The following IDO2 variants were observed in gnomAD, a reference collection of about 807,000 sequenced individuals.
IDO2 encodes the protein indoleamine 2,3-dioxygenase 2, also known as indoleamine 2,3-dioxygenase-like 1 protein.
A neutral mutation model predicts 45.1 loss-of-function variants in IDO2; 46 were observed. The ratio of observed to expected loss-of-function variants is 1.02; its 90% confidence interval spans 0.80 to 1.30. The LOEUF is 1.30. Among genes scored for constraint, IDO2 ranks in the 50% most tolerant of loss-of-function variants. IDO2 has a pLI of 0.00. For synonymous variants in IDO2, 218 were observed against 184.9 expected (o/e 1.18, Z -1.45); for missense variants, 544 against 491.8 (o/e 1.11, Z -1.00).
At chr8:40,015,185 C>T (rs1802368729) in intron 10 of IDO2, 62 bp from the exon 11 acceptor site, 5 of 982,278 alleles carry the variant, frequency 5.1e-6, no homozygotes, top group Non-Finnish European at 7.7e-6. Flanking sequence ...GAAGAAGAAG[C>T]AGACGAGCTC....
At chr8:39,951,359 C>T (rs773373024) in intron 2 of IDO2, among the ~76,000 whole-genome samples, 39 of 148,152 alleles carry the variant, frequency 2.6e-4, no homozygotes, top group Non-Finnish European at 4.4e-4. Flanking sequence ...GGGAATGGAC[C>T]GGACTGTTTC....
In IDO2 at chr8:39,992,124, G is replaced by A. The variant is rs139382086; in HGVS notation, c.667+2286G>A. Among the ~76,000 whole-genome samples the A allele has an allele frequency of 1.1e-3, 173 of 152,358 alleles. 1 individual carries two copies. The highest frequency in any genetic ancestry group is 3.7e-3 in the African/African-American group (154 of 41,582). ...CATCCTGCGCGCTCCTCCACAGCGTGGCCTGGGCATTCCTTTCGACCAGGG... is the reference window on the plus strand; with the variant it reads ...CATCCTGCGCGCTCCTCCACAGCGTAGCCTGGGCATTCCTTTCGACCAGGG... On this transcript the variant is annotated intron_variant, in intron 8 of 10. Transcript: ENST00000502986.
chr8:40,001,245 A>ATT (rs1187145007), intron 8 of IDO2, among the ~76,000 whole-genome samples: 18,949 of 93,980 alleles, frequency 0.2, 2,251 homozygotes, highest in South Asian at 0.38. Context: ...GGCTTTCCTC[A>ATT]TTTTTTTTTT....
rs376935309 is a variant in IDO2, at chr8:39,946,304, C to A, written c.-17-2845C>A. Among the ~76,000 whole-genome samples, 35 of 152,330 alleles carry A rather than the reference C, an allele frequency of 2.3e-4. 1 individual carries two copies. The highest frequency in any genetic ancestry group is 8.4e-4 in the African/African-American group (35 of 41,578). On this transcript the variant is annotated intron_variant, in intron 1 of 10. Transcript: ENST00000502986. Reference sequence around the variant, plus strand: ...GGCTCGCTGGCCTCCCTCAGGCCACCAAGTTGTCCTTAAAAACTCTGCTCC... The same window carrying A: ...GGCTCGCTGGCCTCCCTCAGGCCACAAAGTTGTCCTTAAAAACTCTGCTCC...
intron 1 of IDO2, among the ~76,000 whole-genome samples, chr8:39,938,491 G>C (rs1303101024): frequency 6.6e-6 from 1 of 151,818 alleles, no homozygotes; most frequent in African/African-American, 2.4e-5. Flanking sequence ...AAAACTATTA[G>C]AGATAACATA....
At chr8:39,981,053 G>A (rs1258631934) in intron 4 of IDO2, among the ~76,000 whole-genome samples, 1 of 137,008 alleles carries the variant, frequency 7.3e-6, no homozygotes, top group Non-Finnish European at 1.5e-5. Flanking sequence ...CACCCGGCCA[G>A]TGCATTGCAT....
At chr8:39,949,728 G>C (rs796643782) in intron 2 of IDO2, among the ~76,000 whole-genome samples, 31 of 152,228 alleles carry the variant, frequency 2.0e-4, no homozygotes, top group African/African-American at 7.2e-4. Context: ...ATCCCCCCAG[G>C]AGCGCTTACT....
intron 1 of IDO2, among the ~76,000 whole-genome samples, chr8:39,945,915 C>T (rs1036523104): frequency 8.5e-5 from 13 of 152,274 alleles, no homozygotes; most frequent in African/African-American, 1.4e-4. Flanking sequence ...GAACTAACTC[C>T]GGGAGAAGCT....
At chr8:39,981,928 G>A (rs1229184424) in intron 4 of IDO2, among the ~76,000 whole-genome samples, 1 of 152,124 alleles carries the variant, frequency 6.6e-6, no homozygotes, top group African/African-American at 2.4e-5. Context: ...AAAAAAGGTT[G>A]AAGGGGGTCT....
At chr8:39,939,684 G>C (rs73619541) in intron 1 of IDO2, among the ~76,000 whole-genome samples, 6 of 127,054 alleles carry the variant, frequency 4.7e-5, no homozygotes, top group Non-Finnish European at 1.0e-4. Context: ...AAAATGTCAC[G>C]AAAATAAAAG....
chr8:39,979,303 G>A (rs374403574), intron 4 of IDO2, 117 bp downstream of exon 4: 15 of 1,058,954 alleles, frequency 1.4e-5, no homozygotes, highest in Middle Eastern at 2.3e-4. Flanking sequence ...TCTTCTTCTC[G>A]ATGGGCATCA....
At chr8:39,990,208 C>T (rs550029390) in intron 8 of IDO2, among the ~76,000 whole-genome samples, 17 of 152,252 alleles carry the variant, frequency 1.1e-4, no homozygotes, top group Non-Finnish European at 2.1e-4. Flanking sequence ...AGGTTGTCTA[C>T]ACTCTGTAAT....
chr8:39,983,552 C>T (rs1331817778), intron 5 of IDO2, among the ~76,000 whole-genome samples: 1 of 152,058 alleles, frequency 6.6e-6, no homozygotes, highest in Admixed American at 6.6e-5. Flanking sequence ...TAGTAGACAG[C>T]CTAGATTTTA....
chr8:39,971,441 T>G (rs930098790), intron 3 of IDO2, among the ~76,000 whole-genome samples: 2 of 152,224 alleles, frequency 1.3e-5, no homozygotes, highest in Non-Finnish European at 1.5e-5. Flanking sequence ...CTAACACATT[T>G]GTTCTGCAAC....
intron 2 of IDO2, among the ~76,000 whole-genome samples, chr8:39,958,559 A>C (rs531797997): frequency 2.6e-5 from 4 of 152,106 alleles, no homozygotes; most frequent in African/African-American, 9.7e-5. Flanking sequence ...ACCACATCAA[A>C]CTAATTTTTG....
intron 9 of IDO2, among the ~76,000 whole-genome samples, chr8:40,011,695 C>T (rs1036246789): frequency 6.6e-4 from 100 of 152,138 alleles, no homozygotes; most frequent in African/African-American, 2.3e-3. Flanking sequence ...GTTCCAGGCC[C>T]TGGGCAGGTA....
At chr8:39,958,224 C>T (rs1025755256) in intron 2 of IDO2, among the ~76,000 whole-genome samples, 2 of 147,172 alleles carry the variant, frequency 1.4e-5, no homozygotes, top group Admixed American at 6.8e-5. Flanking sequence ...TTTTTTGAGA[C>T]GGAGTCTTGC....
intron 1 of IDO2, among the ~76,000 whole-genome samples, chr8:39,942,114 A>G (rs13250800): frequency 0.35 from 53,308 of 152,070 alleles, 11,416 homozygotes; most frequent in Non-Finnish European, 0.48. Context: ...AATAAGAAAG[A>G]ATTTTTAGAA....
intron 7 of IDO2, among the ~76,000 whole-genome samples, chr8:39,988,370 G>C (rs1007204500): frequency 6.6e-6 from 1 of 152,074 alleles, no homozygotes; most frequent in South Asian, 2.1e-4. Context: ...TATCAGGAAG[G>C]CTGGATAGAA....
Sources: gnomAD v4.1 joint callset for allele counts (sites outside exome capture counted in the v4.1 genomes callset) on GRCh38, gnomAD v4.1.1 for gene constraint, MANE v1.5 for transcripts, NCBI Gene and HGNC (gene_info 2026-07-23, HGNC 2026-07-21) for gene names.